The following SEC23IP variants were observed in gnomAD, a reference collection of about 807,000 sequenced individuals.
SEC23IP encodes SEC23-interacting protein.
Under a neutral mutation model 113.4 loss-of-function variants are expected in SEC23IP, and 70 were observed. The ratio of observed to expected loss-of-function variants is 0.62; its 90% CI spans 0.51 to 0.75. The LOEUF (loss-of-function observed/expected upper bound fraction) is 0.75. SEC23IP is among the 30% of genes least tolerant of loss of function. The probability of loss-of-function intolerance (pLI) is 0.00; values close to 1 mark genes in which losing one functional copy is unlikely to be tolerated. For synonymous variants in SEC23IP, 398 were observed against 421.0 expected, an observed-to-expected ratio of 0.95 and a Z score of 0.67; for missense variants, 1,160 against 1,204.9, an observed-to-expected ratio of 0.96 and a Z score of 0.55.
intron 4 of SEC23IP, 71 bp from the exon 5 acceptor site, chr10:119,908,970 T>C: frequency 1.0e-6 from 1 of 998,058 alleles, no homozygotes; most frequent in Non-Finnish European, 1.5e-6. Context: ...AGTGACCGTT[T>C]TCCTCCATAC....
In SEC23IP at chr10:119,944,536, G is replaced by A. The variant is rs1241739121; in HGVS notation, c.*3971G>A. On this transcript the variant is annotated 3_prime_UTR_variant, in exon 19 of 19. Transcript: ENST00000369075. Reference sequence around the variant, plus strand: ...GCATTCCAGACCTGTGGAAAGACGCGAGGTTGGAAAGAACATCACAACTGG... The same window carrying A: ...GCATTCCAGACCTGTGGAAAGACGCAAGGTTGGAAAGAACATCACAACTGG... The A allele has an allele frequency of 1.3e-5, 2 of 152,222 alleles. No individual in the cohort carries two copies. The highest frequency in any genetic ancestry group is 2.9e-5 in the Non-Finnish European group (2 of 68,044). 9.4% of individuals were successfully genotyped at this position (152,222 alleles called of 1,614,324 possible).
intron 3 of SEC23IP, 112 bp from the exon 4 acceptor site, chr10:119,903,972 G>A (rs1044959313): frequency 7.1e-6 from 8 of 1,120,768 alleles, no homozygotes; most frequent in South Asian, 6.2e-5. Flanking sequence ...CACCTCTCTC[G>A]GCCTCCCAGG....
chr10:119,933,594 G>C (rs1855678474), intron 17 of SEC23IP, 92 bp from the exon 18 acceptor site: 1 of 710,888 alleles, frequency 1.4e-6, no homozygotes, highest in Admixed American at 2.3e-5. Context: ...AGATAGAGTT[G>C]AATAGAATAG....
At chr10:119,917,626 A>C (rs1855096115) in intron 8 of SEC23IP, among the ~76,000 whole-genome samples, 1 of 152,026 alleles carries the variant, frequency 6.6e-6, no homozygotes, top group Non-Finnish European at 1.5e-5. Context: ...TGATCCACCC[A>C]CTTCAGCCTC....
chr10:119,925,091 T>C (rs1015526372), intron 12 of SEC23IP, among the ~76,000 whole-genome samples: 7 of 152,208 alleles, frequency 4.6e-5, no homozygotes, highest in Non-Finnish European at 8.8e-5. Context: ...AGATCTTCAG[T>C]GTGCAGTAGG....
intron 6 of SEC23IP, among the ~76,000 whole-genome samples, chr10:119,913,625 G>A (rs1854945276): frequency 6.6e-6 from 1 of 151,616 alleles, no homozygotes; most frequent in Non-Finnish European, 1.5e-5. Flanking sequence ...CCGAGTAGCT[G>A]GGATTACAGG....
chr10:119,921,534 T>C (rs1287015716), intron 12 of SEC23IP, among the ~76,000 whole-genome samples: 1 of 152,224 alleles, frequency 6.6e-6, no homozygotes, highest in Non-Finnish European at 1.5e-5. Context: ...CATGAAATAA[T>C]GCATGCAAAG....
In SEC23IP at chr10:119,926,109, C is replaced by T. The variant is rs753007024; in HGVS notation, c.2195C>T (p.Thr732Ile). ...GGACAAGAGCAAAGTGCCCAGAAGACTAAAGACATGGCTTCCCTCCCCTCA... is the reference window on the plus strand; with the variant it reads ...GGACAAGAGCAAAGTGCCCAGAAGATTAAAGACATGGCTTCCCTCCCCTCA... ...TKGQEQSAQK[T>I]KDMASLPSES... is the part of the protein sequence containing the mutation. Residue 732 changes from threonine (T) to isoleucine (I), a missense_variant, in exon 13 of 19, where the codon ACT (threonine) becomes ATT (isoleucine). Physicochemically the swap from Thr to Ile is moderately conservative, Grantham distance 89. Transcript: ENST00000369075. The T allele has an allele frequency of 6.2e-7, 1 of 1,614,158 alleles. No individual in the cohort carries two copies. Among genetic ancestry groups the T allele is most frequent in the South Asian group, 1.1e-5 (1 of 91,084 alleles).
intron 1 of SEC23IP, among the ~76,000 whole-genome samples, chr10:119,898,006 A>G (rs1330699500): frequency 7.8e-6 from 1 of 128,748 alleles, no homozygotes; most frequent in Non-Finnish European, 1.8e-5. Flanking sequence ...CGCCGTCTCA[A>G]AAAAAAATAA....
chr10:119,913,475 G>A (rs1854935440), intron 6 of SEC23IP, among the ~76,000 whole-genome samples: 1 of 151,840 alleles, frequency 6.6e-6, no homozygotes, highest in African/African-American at 2.4e-5. Flanking sequence ...AAACAAATGA[G>A]CATATCCGTT....
At chr10:119,932,970 G>A (rs750671390) in intron 16 of SEC23IP, 35 bp from the exon 17 acceptor site, 1 of 1,584,178 alleles carries the variant, frequency 6.3e-7, no homozygotes, top group South Asian at 1.1e-5. Flanking sequence ...AAGATTAAGT[G>A]ATTGACTTTG....
intron 3 of SEC23IP, 122 bp downstream of exon 3, chr10:119,903,131 T>G (rs768386961): frequency 1.0e-5 from 8 of 766,058 alleles, no homozygotes; most frequent in Non-Finnish European, 1.5e-5. Flanking sequence ...CCAGACTCTG[T>G]ACCTTAAGGT....
intron 13 of SEC23IP, among the ~76,000 whole-genome samples, chr10:119,929,348 C>T (rs1407190056): frequency 1.3e-5 from 2 of 152,102 alleles, no homozygotes; most frequent in Non-Finnish European, 2.9e-5. Flanking sequence ...ATTCTTCTGC[C>T]TTAGCCTCCC....
chr10:119,911,855 G>A (rs1252714153), intron 5 of SEC23IP, among the ~76,000 whole-genome samples, 189 bp from the exon 6 acceptor site: 2 of 152,144 alleles, frequency 1.3e-5, no homozygotes, highest in Non-Finnish European at 2.9e-5. Flanking sequence ...GAAAGGTATC[G>A]ATTTGCTTAA....
chr10:119,935,179 G>A (rs1349064286), intron 18 of SEC23IP, among the ~76,000 whole-genome samples: 1 of 152,104 alleles, frequency 6.6e-6, no homozygotes, highest in Non-Finnish European at 1.5e-5. Flanking sequence ...AGACAAAAGA[G>A]GCTGGGTGTA....
At chr10:119,899,051 A>C in intron 2 of SEC23IP, 92 bp downstream of exon 2, 1 of 1,098,752 alleles carries the variant, frequency 9.1e-7, no homozygotes, top group Non-Finnish European at 1.3e-6. Flanking sequence ...ACATCTTATA[A>C]TCAATATGGT....
intron 18 of SEC23IP, among the ~76,000 whole-genome samples, chr10:119,939,183 A>G (rs1306654063): frequency 2.0e-5 from 3 of 151,734 alleles, no homozygotes; most frequent in Non-Finnish European, 4.4e-5. Context: ...CTGGGGCATG[A>G]TGGTGTGCAC....
chr10:119,941,992 T>G lies in SEC23IP; in HGVS notation c.*1427T>G, dbSNP rs1333531784. 3 of 152,204 alleles carry G rather than the reference T, an allele frequency of 2.0e-5. No individual in the cohort carries two copies. Among genetic ancestry groups the G allele is most frequent in the Admixed American group, 6.5e-5 (1 of 15,278 alleles). 9.4% of individuals were successfully genotyped at this position (152,204 alleles called of 1,614,324 possible). A position where few individuals can be genotyped will look rare whatever the true frequency, so the allele number is the denominator to read the frequency against. ...GTAGTGGCAGATCTGGGATGGAATA[T>G]GGTTTTCTTGATTCCCTTTCAGCCT... is the stretch of plus-strand genomic sequence containing the variant. On this transcript the variant is annotated 3_prime_UTR_variant, in exon 19 of 19. Transcript: ENST00000369075.
At chr10:119,937,987 T>A (rs1030725032) in intron 18 of SEC23IP, among the ~76,000 whole-genome samples, 1 of 152,152 alleles carries the variant, frequency 6.6e-6, no homozygotes, top group African/African-American at 2.4e-5. Flanking sequence ...TTTTAACATA[T>A]TTAAATTTGT....
Sources: allele counts gnomAD v4.1 joint callset (sites outside exome capture counted in the v4.1 genomes callset), GRCh38; gene constraint gnomAD v4.1.1; transcripts MANE v1.5; gene names NCBI Gene and HGNC (gene_info 2026-07-23, HGNC 2026-07-21).